GRID2: variants seen among roughly 807,000 people sequenced by gnomAD.
GRID2 encodes glutamate ionotropic receptor delta type subunit 2.
A neutral mutation model predicts 114.8 loss-of-function variants in GRID2; 33 were observed. That is an observed-to-expected ratio of 0.29 (90% CI 0.22 to 0.38). The LOEUF is 0.38. Among genes scored for constraint, GRID2 ranks in the 10% least tolerant of loss-of-function variants. GRID2 has a pLI of 1.00. For missense variants in GRID2, 1,184 were observed against 1,257.7 expected (o/e 0.94, Z 0.89); for synonymous variants, 505 against 449.9 (o/e 1.12, Z -1.55).
chr4:92,315,589 A>G (rs1050688054), intron 1 of GRID2, among the ~76,000 whole-genome samples: 3 of 152,188 alleles, frequency 2.0e-5, no homozygotes, highest in African/African-American at 7.2e-5. Flanking sequence ...TATAACTTCA[A>G]CATCATTAAA....
intron 2 of GRID2, among the ~76,000 whole-genome samples, chr4:92,646,750 G>A (rs1439015756): frequency 1.3e-5 from 2 of 152,224 alleles, no homozygotes; most frequent in Non-Finnish European, 2.9e-5. Flanking sequence ...AAGTATCCTT[G>A]AGGGAATTTT....
rs926920951 is a variant in GRID2, at chr4:93,637,557, C to T, written c.2360+11122C>T. On this transcript the variant is annotated intron_variant, in intron 14 of 15. Coordinates refer to ENST00000282020, the MANE Select transcript of GRID2 (RefSeq NM_001510.4). ...TCCTTCATATTAAAATGCTGTTGGG[C>T]ATTTTAGTTTAAATGAAATGCAGAA... Among the ~76,000 whole-genome samples, 12 of 152,170 alleles carry T rather than the reference C, an allele frequency of 7.9e-5. No homozygotes were observed. In the South Asian group the frequency reaches 2.5e-3, roughly 32 times the overall value.
intron 10 of GRID2, among the ~76,000 whole-genome samples, chr4:93,441,422 G>A (rs1386914197): frequency 6.6e-6 from 1 of 151,888 alleles, no homozygotes; most frequent in Non-Finnish European, 1.5e-5. Context: ...AAGTAAAAGA[G>A]AATAATAAAA....
intron 13 of GRID2, among the ~76,000 whole-genome samples, chr4:93,557,079 C>A (rs1184707358): frequency 6.6e-6 from 1 of 152,164 alleles, no homozygotes; most frequent in African/African-American, 2.4e-5. Flanking sequence ...CTTACAAGAG[C>A]TCCTGAAGGA....
chr4:93,488,276 G>A lies in GRID2; in HGVS notation c.1859-2363G>A, dbSNP rs530597151. 3.3e-5 allele frequency among the ~76,000 whole-genome samples: 5 copies of A among 151,706 alleles called. No individual in the cohort carries two copies. In the South Asian group the frequency reaches 8.3e-4, roughly 25 times the overall value. The stretch of plus-strand genomic sequence containing the variant: ...TTTTGCTTTTACCTTTCAAAAGCTG[G>A]GCAAATAATTATTTTGCTTTTAAGA... On this transcript the variant is annotated intron_variant, in intron 11 of 15. Coordinates refer to ENST00000282020, the MANE Select transcript of GRID2 (RefSeq NM_001510.4).
chr4:93,760,469 A>C (rs889630597), intron 14 of GRID2, among the ~76,000 whole-genome samples: 17 of 152,224 alleles, frequency 1.1e-4, no homozygotes, highest in African/African-American at 4.1e-4. Context: ...AACACAGGAA[A>C]CTTCTCTTTT....
intron 1 of GRID2, among the ~76,000 whole-genome samples, chr4:92,414,643 G>A (rs2110309574): frequency 6.6e-6 from 1 of 152,228 alleles, no homozygotes; most frequent in East Asian, 1.9e-4. Flanking sequence ...TGTGGACAGT[G>A]AGCCTAGAAA....
intron 4 of GRID2, chr4:93,164,726 T>G (rs1362586106): frequency 1.1e-5 from 5 of 440,378 alleles, no homozygotes; most frequent in Admixed American, 4.8e-5. Flanking sequence ...TTTCCTTTCA[T>G]TTTTCAGATG....
chr4:93,008,932 G>A (rs1000206123), intron 2 of GRID2, among the ~76,000 whole-genome samples: 2 of 152,036 alleles, frequency 1.3e-5, no homozygotes, highest in African/African-American at 4.8e-5. Flanking sequence ...CTTGCCTAAT[G>A]TCCTTGGATC....
intron 1 of GRID2, among the ~76,000 whole-genome samples, chr4:92,358,410 G>T (rs1728450610): frequency 6.6e-6 from 1 of 151,814 alleles, no homozygotes; most frequent in African/African-American, 2.4e-5. Context: ...AGTATCTCTT[G>T]CAGTCCTGGC....
At chr4:93,048,808 A>G (rs948791157) in intron 2 of GRID2, among the ~76,000 whole-genome samples, 3 of 152,072 alleles carry the variant, frequency 2.0e-5, no homozygotes, top group Admixed American at 1.3e-4. Context: ...TTTATGGTCC[A>G]GGCAGCCTTG....
At chr4:92,866,786 C>T (rs949547359) in intron 2 of GRID2, among the ~76,000 whole-genome samples, 3 of 151,938 alleles carry the variant, frequency 2.0e-5, no homozygotes, top group African/African-American at 4.8e-5. Context: ...CTCCTGACCT[C>T]GTGATCCTCC....
chr4:93,224,593 C>T (rs1403067281), intron 6 of GRID2, 21 bp from the exon 7 acceptor site: 1 of 1,533,998 alleles, frequency 6.5e-7, no homozygotes, highest in Non-Finnish European at 9.0e-7. Flanking sequence ...TTCTAATGAT[C>T]ACTTTCTAAT....
At chr4:93,116,035 C>A (rs1031902528) in intron 4 of GRID2, among the ~76,000 whole-genome samples, 6 of 152,116 alleles carry the variant, frequency 3.9e-5, no homozygotes, top group Admixed American at 1.3e-4. Flanking sequence ...CTCTTACCTA[C>A]CTTTTCTTAT....
chr4:92,491,929 G>GT (rs914951795), intron 1 of GRID2, among the ~76,000 whole-genome samples: 4 of 151,746 alleles, frequency 2.6e-5, no homozygotes, highest in Non-Finnish European at 5.9e-5. Context: ...TTTCCAAACT[G>GT]TGCATTGTAC....
chr4:93,562,722 T>C (rs1735041739), intron 13 of GRID2, among the ~76,000 whole-genome samples: 1 of 152,048 alleles, frequency 6.6e-6, no homozygotes, highest in Non-Finnish European at 1.5e-5. Context: ...GGGAGCAAGG[T>C]TACTACCTAG....
intron 2 of GRID2, among the ~76,000 whole-genome samples, chr4:92,943,171 G>T (rs1368697493): frequency 6.6e-6 from 1 of 152,134 alleles, no homozygotes; most frequent in Non-Finnish European, 1.5e-5. Flanking sequence ...GTGTTTTCCA[G>T]CTGGGTTCCA....
intron 9 of GRID2, among the ~76,000 whole-genome samples, chr4:93,404,239 G>T (rs2149342698): frequency 6.6e-6 from 1 of 152,220 alleles, no homozygotes; most frequent in Admixed American, 6.6e-5. Context: ...AAGTTTTGGA[G>T]ATTGGCAGAT....
intron 2 of GRID2, among the ~76,000 whole-genome samples, chr4:92,984,319 G>A (rs1051690886): frequency 2.6e-5 from 4 of 152,324 alleles, no homozygotes; most frequent in Middle Eastern, 3.4e-3. Context: ...TGTCACTAAC[G>A]TGACCTCCTC....
Sources: gnomAD v4.1 joint callset for allele counts (sites outside exome capture counted in the v4.1 genomes callset) on GRCh38, gnomAD v4.1.1 for gene constraint, MANE v1.5 for transcripts, NCBI Gene and HGNC (gene_info 2026-07-23, HGNC 2026-07-21) for gene names.